PHLPP2: variants seen among roughly 807,000 people sequenced by gnomAD.
PHLPP2 encodes the protein PH domain leucine-rich repeat-containing protein phosphatase 2.
In PHLPP2, 66 loss-of-function variants were observed where a neutral mutation model predicts 124.9. That is an observed-to-expected ratio of 0.53 (90% CI 0.43 to 0.65). The LOEUF (loss-of-function observed/expected upper bound fraction) is 0.65, where lower values mean the gene tolerates loss of function less well. Ranked by LOEUF, PHLPP2 falls within the 30% of genes least tolerant of loss-of-function variation. PHLPP2 has a pLI of 0.00. For missense variants in PHLPP2, 1,685 were observed against 1,600.4 expected (o/e 1.05, Z -0.90); for synonymous variants, 681 against 624.7 (o/e 1.09, Z -1.34).
At chr16:71,703,799 A>T (rs566820987) in intron 2 of PHLPP2, among the ~76,000 whole-genome samples, 1 of 152,354 alleles carries the variant, frequency 6.6e-6, no homozygotes, top group South Asian at 2.1e-4. Context: ...TTTCAACAAG[A>T]TACTATATAG....
intron 9 of PHLPP2, among the ~76,000 whole-genome samples, chr16:71,675,175 C>T (rs1449801812): frequency 1.3e-5 from 2 of 152,214 alleles, no homozygotes; most frequent in Non-Finnish European, 2.9e-5. Context: ...TACCAGTCAC[C>T]TCTCACTGGC....
intron 1 of PHLPP2, 129 bp from the exon 2 acceptor site, chr16:71,714,930 G>C: frequency 8.6e-7 from 1 of 1,157,178 alleles, no homozygotes; most frequent in Non-Finnish European, 1.2e-6. Context: ...TCCTTTTGTG[G>C]AGCACTTCAC....
intron 4 of PHLPP2, among the ~76,000 whole-genome samples, chr16:71,689,709 T>A (rs566532290): frequency 6.6e-6 from 1 of 151,952 alleles, no homozygotes; most frequent in African/African-American, 2.4e-5. Context: ...AGACAGGGTC[T>A]TGCTAATGTT....
intron 2 of PHLPP2, among the ~76,000 whole-genome samples, chr16:71,713,874 A>G (rs1470181311): frequency 6.6e-6 from 1 of 150,952 alleles, no homozygotes; most frequent in Non-Finnish European, 1.5e-5. Flanking sequence ...ACAGAAAAGT[A>G]CTTCTCACTC....
At position 71,658,704 on chromosome 16, in the gene PHLPP2, G is replaced by C. The variant is rs2044762352; in HGVS notation, c.2097C>G (p.His699Gln). The C allele has an allele frequency of 6.2e-7, 1 of 1,614,028 alleles. No homozygotes were observed. Among genetic ancestry groups the C allele is most frequent in the African/African-American group, 1.3e-5 (1 of 74,914 alleles). Residue 699 changes from histidine (H) to glutamine (Q), a missense_variant, in exon 14 of 19, where the codon CAC becomes CAG. Transcript: ENST00000568954. ...CTGGGAAAATGCTGATGTTGTTGGA[G>C]TGTGCAACAAGGGTGTGCAGCCTTT... ...NCKRLHTLVA[H>Q]SNNISIFPEI...
intron 3 of PHLPP2, among the ~76,000 whole-genome samples, chr16:71,701,493 T>C (rs1182518448): frequency 6.6e-6 from 1 of 152,188 alleles, no homozygotes; most frequent in Non-Finnish European, 1.5e-5. Context: ...CCTCAAAATT[T>C]AAGTACTACA....
chr16:71,674,991 C>T (rs113348353), intron 9 of PHLPP2, among the ~76,000 whole-genome samples: 2 of 152,172 alleles, frequency 1.3e-5, no homozygotes, highest in Non-Finnish European at 2.9e-5. Flanking sequence ...AGCTAGACTC[C>T]GTCTCAAAAT....
chr16:71,702,444 G>A (rs2047645237), intron 3 of PHLPP2, among the ~76,000 whole-genome samples, 154 bp downstream of exon 3: 2 of 152,160 alleles, frequency 1.3e-5, no homozygotes, highest in Non-Finnish European at 2.9e-5. Context: ...TGACCTCTTG[G>A]CTTTTGTTGT....
rs754848972 is a variant in PHLPP2 at position 71,690,522 on chromosome 16, T to C, written c.606A>G (p.Gly202=). ...AATTCATCTTTGTGAGTCTTACCTT[T>C]CCACCAACCAGAGGCAAAATGTGCA... ...GKMHILPLVG[G]KIEEVKRRQY... is the part of the protein sequence containing the mutation. Residue 202 remains glycine (G), a synonymous_variant, in exon 4 of 19, where the codon GGA becomes GGG. Transcript: ENST00000568954. 5.6e-6 allele frequency: 9 copies of C among 1,597,798 alleles called. No homozygotes were observed. The East Asian group carries it at 1.8e-4, about 32-fold the overall frequency.
intron 13 of PHLPP2, among the ~76,000 whole-genome samples, chr16:71,661,149 C>T (rs1243087799): frequency 6.6e-6 from 1 of 151,148 alleles, no homozygotes; most frequent in Non-Finnish European, 1.5e-5. Context: ...TCACTGGAAC[C>T]TCCACCTCCC....
In PHLPP2 at chr16:71,667,339, G is replaced by A. The variant is rs779444083; in HGVS notation, c.1629-6C>T. 3.7e-6 allele frequency: 6 copies of A among 1,609,218 alleles called. No individual in the cohort carries two copies. Among genetic ancestry groups the A allele is most frequent in the African/African-American group, 1.3e-5 (1 of 74,898 alleles). On this transcript the variant is annotated splice_polypyrimidine_tract_variant and splice_region_variant and intron_variant, in intron 11 of 18. Coordinates refer to ENST00000568954, the MANE Select transcript of PHLPP2 (RefSeq NM_015020.3). ...GACTCAAGCTACTCAGAATTCTAAG[G>A]GGGGAGCATACAAACAAACACATTA...
chr16:71,723,631 C>T (rs2045412493), intron 1 of PHLPP2: 3 of 360,516 alleles, frequency 8.3e-6, no homozygotes, highest in South Asian at 1.1e-4. Flanking sequence ...GACTGACTGA[C>T]GCCGGGCGGG....
intron 2 of PHLPP2, among the ~76,000 whole-genome samples, chr16:71,711,656 T>G (rs1052160386): frequency 1.3e-5 from 2 of 152,208 alleles, no homozygotes; most frequent in African/African-American, 4.8e-5. Context: ...AATGAGGTAA[T>G]TTACATAAAG....
chr16:71,717,998 C>T (rs1420379414), intron 1 of PHLPP2, among the ~76,000 whole-genome samples: 1 of 152,144 alleles, frequency 6.6e-6, no homozygotes, highest in Admixed American at 6.5e-5. Flanking sequence ...CTCAAGTGAT[C>T]CTAAAGCCTC....
intron 13 of PHLPP2, among the ~76,000 whole-genome samples, chr16:71,660,771 C>A (rs868331756): frequency 2.0e-5 from 3 of 152,034 alleles, no homozygotes; most frequent in Admixed American, 6.6e-5. Context: ...AAATCTCGTG[C>A]TTTTTTCCCT....
At chr16:71,694,109 G>T (rs754711435) in intron 3 of PHLPP2, among the ~76,000 whole-genome samples, 1 of 152,094 alleles carries the variant, frequency 6.6e-6, no homozygotes, top group Non-Finnish European at 1.5e-5. Flanking sequence ...CAGGAGAATC[G>T]ATTGCACCAG....
At chr16:71,682,325 C>T (rs1285033484) in intron 5 of PHLPP2, among the ~76,000 whole-genome samples, 6 of 149,646 alleles carry the variant, frequency 4.0e-5, no homozygotes, top group African/African-American at 1.5e-4. Context: ...TCAAGCAATT[C>T]TCCTGTGCCA....
At chr16:71,715,017 C>T (rs1330986425) in intron 1 of PHLPP2, 2 of 585,306 alleles carry the variant, frequency 3.4e-6, no homozygotes, top group East Asian at 3.0e-5. Flanking sequence ...CCATCATCTT[C>T]GTTGACCTCT....
In PHLPP2 at chr16:71,648,839, C is replaced by T. The variant is rs534044390; in HGVS notation, c.*51G>A. The T allele has an allele frequency of 6.6e-6, 9 of 1,364,678 alleles. No individual in the cohort carries two copies. Among genetic ancestry groups the T allele is most frequent in the Non-Finnish European group, 8.2e-6 (8 of 970,986 alleles). The allele number at this position is 1,364,678 out of a possible 1,614,324, so 84.5% of individuals were successfully genotyped here. On this transcript the variant is annotated 3_prime_UTR_variant, in exon 19 of 19. Transcript: ENST00000568954. ...TAGAGGCAGAATGCCTCTAGCAAGT[C>T]CCTACCCCAACCCTGCACAGCCTCC...
Sources: gnomAD v4.1 joint callset for allele counts (sites outside exome capture counted in the v4.1 genomes callset) on GRCh38, gnomAD v4.1.1 for gene constraint, MANE v1.5 for transcripts, NCBI Gene and HGNC (gene_info 2026-07-23, HGNC 2026-07-21) for gene names.